The following CSNK2A2IP variants were observed in gnomAD, a reference collection of about 807,000 sequenced individuals.
The protein encoded by CSNK2A2IP is casein kinase II subunit alpha'-interacting protein.
At chr3:88,352,037 C>T in the CSNK2A2IP span, among the ~76,000 whole-genome samples, 1 of 152,076 alleles carries the variant, frequency 6.6e-6, no homozygotes, top group Non-Finnish European at 1.5e-5. Context: ...TCTTGTTTAC[C>T]ACAGTAGCCA....
the CSNK2A2IP span, chr3:88,466,545 C>T: frequency 8.1e-7 from 1 of 1,231,760 alleles, no homozygotes; most frequent in Non-Finnish European, 1.0e-6. Flanking sequence ...AGAGTAAAAG[C>T]AGCTTTCAGT....
the CSNK2A2IP span, chr3:88,399,565 G>T: frequency 7.2e-5 from 11 of 152,138 alleles, no homozygotes; most frequent in Non-Finnish European, 1.3e-4. Flanking sequence ...TGCTGGTAAG[G>T]TGCTGGACAT....
At chr3:88,424,026 C>T in the CSNK2A2IP span, among the ~76,000 whole-genome samples, 19 of 152,098 alleles carry the variant, frequency 1.2e-4, no homozygotes, top group African/African-American at 1.9e-4. Context: ...TTCTTCTCTC[C>T]GTATTTCAAC....
chr3:88,449,874 T>TATATATATAGAGAGAGAGAGAGAGAG, the CSNK2A2IP span, among the ~76,000 whole-genome samples: 1 of 70,104 alleles, frequency 1.4e-5, no homozygotes, highest in African/African-American at 4.7e-5. Flanking sequence ...TATATATATA[T>TATATATATAGAGAGAGAGAGAGAGAG]AGAGAGAGAG....
chr3:88,450,005 C>T, the CSNK2A2IP span, among the ~76,000 whole-genome samples: 1 of 150,062 alleles, frequency 6.7e-6, no homozygotes, highest in Non-Finnish European at 1.5e-5. Flanking sequence ...GTAGCTGGGA[C>T]TACAGGCTCG....
At chr3:88,458,289 T>A in the CSNK2A2IP span, among the ~76,000 whole-genome samples, 1 of 151,926 alleles carries the variant, frequency 6.6e-6, no homozygotes, top group Non-Finnish European at 1.5e-5. Flanking sequence ...TAGCTGGGAT[T>A]ACAGGCATGC....
the CSNK2A2IP span, among the ~76,000 whole-genome samples, chr3:88,364,605 C>T: frequency 3.7e-4 from 56 of 151,910 alleles, no homozygotes; most frequent in African/African-American, 1.2e-3. Context: ...TACATGTTGT[C>T]GATATTTAGA....
the CSNK2A2IP span, among the ~76,000 whole-genome samples, chr3:88,400,984 A>G: frequency 6.6e-6 from 1 of 152,210 alleles, no homozygotes; most frequent in Non-Finnish European, 1.5e-5. Flanking sequence ...GTGTAGAAGA[A>G]TAACAGAAGA....
At chr3:88,395,687 A>C in the CSNK2A2IP span, among the ~76,000 whole-genome samples, 1 of 152,232 alleles carries the variant, frequency 6.6e-6, no homozygotes, top group Non-Finnish European at 1.5e-5. Flanking sequence ...AACTGCAGAA[A>C]AATTTGGGAA....
the CSNK2A2IP span, among the ~76,000 whole-genome samples, chr3:88,424,846 A>C: frequency 6.6e-6 from 1 of 152,038 alleles, no homozygotes; most frequent in Non-Finnish European, 1.5e-5. Context: ...CTTGTGACAT[A>C]AACCTAAGTG....
At chr3:88,385,524 T>C in the CSNK2A2IP span, among the ~76,000 whole-genome samples, 1 of 152,208 alleles carries the variant, frequency 6.6e-6, no homozygotes, top group Non-Finnish European at 1.5e-5. Context: ...TTTTTTGTTT[T>C]TCTTCTTTTC....
At chr3:88,435,752 A>G in the CSNK2A2IP span, among the ~76,000 whole-genome samples, 6 of 151,438 alleles carry the variant, frequency 4.0e-5, no homozygotes, top group Admixed American at 4.0e-4. Flanking sequence ...GATTTGTAGT[A>G]ACTTAGTATG....
chr3:88,457,051 A>T, the CSNK2A2IP span, among the ~76,000 whole-genome samples: 1 of 152,164 alleles, frequency 6.6e-6, no homozygotes, highest in African/African-American at 2.4e-5. Context: ...GGGGTACAAT[A>T]TCCTTAACAG....
At chr3:88,437,934 T>C in the CSNK2A2IP span, among the ~76,000 whole-genome samples, 1 of 152,186 alleles carries the variant, frequency 6.6e-6, no homozygotes, top group Non-Finnish European at 1.5e-5. Flanking sequence ...CTCTCTATTA[T>C]CCTAGATTAC....
the CSNK2A2IP span, among the ~76,000 whole-genome samples, chr3:88,411,379 G>A: frequency 0.093 from 13,315 of 143,428 alleles, 1,546 homozygotes; most frequent in African/African-American, 0.29. Flanking sequence ...CTATCTATCT[G>A]TCTATCTATC....
At chr3:88,351,055 G>T in the CSNK2A2IP span, among the ~76,000 whole-genome samples, 1 of 152,106 alleles carries the variant, frequency 6.6e-6, no homozygotes, top group Admixed American at 6.6e-5. Flanking sequence ...AGGACTAAGA[G>T]CACCTTTAAC....
At chr3:88,377,872 T>A in the CSNK2A2IP span, among the ~76,000 whole-genome samples, 41 of 151,982 alleles carry the variant, frequency 2.7e-4, no homozygotes, top group Non-Finnish European at 5.4e-4. Flanking sequence ...AGTGACCATA[T>A]GTGACTTTTA....
chr3:88,397,033 T>A, the CSNK2A2IP span, among the ~76,000 whole-genome samples: 2,528 of 152,288 alleles, frequency 0.017, 88 homozygotes, highest in African/African-American at 0.058. Flanking sequence ...GACAGTGATA[T>A]TTTTAAGAAA....
the CSNK2A2IP span, among the ~76,000 whole-genome samples, chr3:88,446,647 G>A: frequency 6.6e-6 from 1 of 152,098 alleles, no homozygotes; most frequent in East Asian, 1.9e-4. Context: ...GCAATTCACT[G>A]GTCATTTCCT....
Sources: gnomAD v4.1 joint callset for allele counts (sites outside exome capture counted in the v4.1 genomes callset) on GRCh38, gnomAD v4.1.1 for gene constraint, MANE v1.5 for transcripts, NCBI Gene and HGNC (gene_info 2026-07-23, HGNC 2026-07-21) for gene names.